The following TRAPPC10 variants were observed in gnomAD, a reference collection of about 807,000 sequenced individuals.
The protein encoded by TRAPPC10 is trafficking protein particle complex subunit 10, also known as TRAPP 130 kDa subunit.
In TRAPPC10, 23 loss-of-function variants were observed where a neutral mutation model predicts 125.5. That is an observed-to-expected ratio of 0.18 (90% CI 0.13 to 0.26). The LOEUF (loss-of-function observed/expected upper bound fraction) is 0.26. TRAPPC10 is among the 10% of genes least tolerant of loss of function. The pLI is 1.00. For synonymous variants in TRAPPC10, 509 were observed against 518.0 expected, an observed-to-expected ratio of 0.98 and a Z score of 0.24; for missense variants, 1,123 against 1,308.4, an observed-to-expected ratio of 0.86 and a Z score of 2.19.
At chr21:44,085,327 G>A (rs1189165270) in intron 15 of TRAPPC10, among the ~76,000 whole-genome samples, 1 of 152,032 alleles carries the variant, frequency 6.6e-6, no homozygotes, top group Non-Finnish European at 1.5e-5. Flanking sequence ...TGTCACATTA[G>A]GCCAAGAAGC....
intron 20 of TRAPPC10, among the ~76,000 whole-genome samples, chr21:44,096,111 C>T (rs1296763510): frequency 2.3e-5 from 1 of 43,406 alleles, no homozygotes; most frequent in Non-Finnish European, 4.7e-5. Flanking sequence ...TCCCAATTGG[C>T]AGGCGTTTCC....
In TRAPPC10 at chr21:44,094,229, T is replaced by G; in HGVS notation, c.3164T>G (p.Phe1055Cys). Reference protein sequence around the residue: ...PYTYEFKVENFFTLYNVKAEI... With the variant: ...PYTYEFKVENCFTLYNVKAEI... ...ACTTATGAATTTAAAGTGGAAAATT[T>G]TTTTGTAAGTGATGTATTATTTTGG... is the stretch of plus-strand genomic sequence containing the variant. The change falls in exon 20 of 23, where the codon TTT becomes TGT. Residue 1055 changes from phenylalanine (F) to cysteine (C), a missense_variant. Around this residue, in one of 4 missense-constraint regions of TRAPPC10, gnomAD observed 840 missense variants for 902.0 expected, o/e 0.93. Coordinates refer to ENST00000291574, the MANE Select transcript of TRAPPC10 (RefSeq NM_003274.5). 1 of 1,604,380 alleles carries G rather than the reference T, an allele frequency of 6.2e-7. No homozygotes were observed. Among genetic ancestry groups the G allele is most frequent in the Non-Finnish European group, 8.5e-7 (1 of 1,177,614 alleles).
chr21:44,041,522 A>G (rs1601626055), intron 3 of TRAPPC10, among the ~76,000 whole-genome samples: 1 of 151,648 alleles, frequency 6.6e-6, no homozygotes, highest in South Asian at 2.1e-4. Context: ...GATTACAGGC[A>G]TGCGCCACCA....
intron 3 of TRAPPC10, chr21:44,046,403 T>C: frequency 3.6e-6 from 1 of 280,264 alleles, no homozygotes. Context: ...GTGTGTGCAG[T>C]GACACCACCA....
intron 20 of TRAPPC10, among the ~76,000 whole-genome samples, chr21:44,095,025 A>G (rs922582846): frequency 5.4e-5 from 8 of 148,700 alleles, no homozygotes; most frequent in African/African-American, 1.7e-4. Flanking sequence ...ATAATAGTAT[A>G]TATTATAATA....
chr21:44,093,319 G>A (rs1279839053), intron 19 of TRAPPC10, among the ~76,000 whole-genome samples: 1 of 151,950 alleles, frequency 6.6e-6, no homozygotes, highest in African/African-American at 2.4e-5. Context: ...GTCAGGCATG[G>A]TGGCACACAC....
At chr21:44,084,293 C>T (rs780609357) in intron 15 of TRAPPC10, 30 bp downstream of exon 15, 34 of 1,606,640 alleles carry the variant, frequency 2.1e-5, no homozygotes, top group Non-Finnish European at 2.9e-5. Context: ...TTTGAGGAGG[C>T]GTGCTGCTGG....
intron 3 of TRAPPC10, 125 bp downstream of exon 3, chr21:44,038,052 T>A: frequency 1.5e-6 from 2 of 1,341,752 alleles, no homozygotes; most frequent in Non-Finnish European, 2.0e-6. Context: ...GCGTGGAGAG[T>A]GCTGTGTGAG....
chr21:44,048,088 C>A (rs2034982147), intron 3 of TRAPPC10, among the ~76,000 whole-genome samples: 1 of 152,196 alleles, frequency 6.6e-6, no homozygotes, highest in African/African-American at 2.4e-5. Context: ...GTGTGACTGC[C>A]AAGCATGGGT....
At chr21:44,071,038 A>G (rs1349599631) in intron 7 of TRAPPC10, among the ~76,000 whole-genome samples, 3 of 152,252 alleles carry the variant, frequency 2.0e-5, no homozygotes, top group Non-Finnish European at 1.5e-5. Context: ...GAAAGGTTTA[A>G]TAAGCAGCAG....
At chr21:44,055,219 C>T (rs1034279888) in intron 4 of TRAPPC10, among the ~76,000 whole-genome samples, 4 of 152,078 alleles carry the variant, frequency 2.6e-5, no homozygotes, top group Non-Finnish European at 4.4e-5. Context: ...ACTTACTGCT[C>T]GTGTTCATGA....
intron 3 of TRAPPC10, chr21:44,046,962 A>G (rs1239114155): frequency 7.2e-6 from 6 of 838,046 alleles, no homozygotes; most frequent in African/African-American, 1.7e-5. Context: ...CCCACTGGGA[A>G]CTGCAAGCCG....
At chr21:44,062,590 C>A (rs1287369011) in intron 6 of TRAPPC10, 1 of 984,730 alleles carries the variant, frequency 1.0e-6, no homozygotes. Context: ...TGGGCTGGTA[C>A]AGGGCTGGGT....
intron 1 of TRAPPC10, among the ~76,000 whole-genome samples, chr21:44,030,570 G>A (rs1003554348): frequency 4.6e-5 from 7 of 151,914 alleles, no homozygotes; most frequent in Non-Finnish European, 5.9e-5. Flanking sequence ...CGGTTCAAGC[G>A]ATTCTCCTGC....
chr21:44,087,058 C>A lies in TRAPPC10; in HGVS notation c.2539+98C>A, dbSNP rs963021961. 1 of 1,394,702 alleles carries A rather than the reference C, an allele frequency of 7.2e-7. No individual in the cohort carries two copies. Among genetic ancestry groups the A allele is most frequent in the South Asian group, 1.3e-5 (1 of 77,020 alleles). 86.4% of individuals were successfully genotyped at this position (1,394,702 alleles called of 1,614,324 possible). ...CTGGCCTTGCTGCCATCCTGCTGAG[C>A]GCCCCTCAACAGTGTCTGGAGTCCG... On this transcript the variant is annotated intron_variant, in intron 16 of 22. Coordinates refer to ENST00000291574, the MANE Select transcript of TRAPPC10 (RefSeq NM_003274.5). This position sits in a 1 kb window ranked among gnomAD's most constrained non-coding sequence, Gnocchi z 4.6.
chr21:44,081,367 C>G (rs1253383241), intron 13 of TRAPPC10, among the ~76,000 whole-genome samples: 1 of 152,018 alleles, frequency 6.6e-6, no homozygotes, highest in Non-Finnish European at 1.5e-5. Flanking sequence ...CCATATTGCC[C>G]AGGCTGGTCT....
Position 44,087,956 on chromosome 21 carries a change from C to A in TRAPPC10, c.2769+28C>A. 6.4e-7 allele frequency: 1 copy of A among 1,574,550 alleles called. No homozygotes were observed. Among genetic ancestry groups the A allele is most frequent in the Non-Finnish European group, 8.7e-7 (1 of 1,154,604 alleles). ...GAGTAGGGACAGTGGAGGAGCTTAG[C>A]TTGTGGGGCGTCCGCCGCCCGCCTG... On this transcript the variant is annotated intron_variant, in intron 17 of 22. Coordinates refer to ENST00000291574, the MANE Select transcript of TRAPPC10 (RefSeq NM_003274.5). The surrounding 1 kb of genome is among the most constrained non-coding windows in gnomAD (Gnocchi z 4.6).
chr21:44,052,402 C>A lies in TRAPPC10; in HGVS notation c.408C>A (p.Asn136Lys), dbSNP rs1426995860. Residue 136 changes from asparagine to lysine, a missense_variant, in exon 4 of 23, where the codon AAC becomes AAA. Around this residue, in one of 4 missense-constraint regions of TRAPPC10, gnomAD observed 177 missense variants for 228.9 expected, o/e 0.77. Coordinates refer to ENST00000291574, the MANE Select transcript of TRAPPC10 (RefSeq NM_003274.5). ...VIVENDAKKKNKTNILPRTSI... is the reference protein window; with the variant it reads ...VIVENDAKKKKKTNILPRTSI... ...TTGAAAATGATGCCAAGAAAAAAAACAAAACCAACATCCTTCCCCGAACCT... is the reference window on the plus strand; with the variant it reads ...TTGAAAATGATGCCAAGAAAAAAAAAAAAACCAACATCCTTCCCCGAACCT... 12 of 1,613,636 alleles carry A rather than the reference C, an allele frequency of 7.4e-6. No homozygotes were observed. Among genetic ancestry groups the A allele is most frequent in the Non-Finnish European group, 1.0e-5 (12 of 1,179,942 alleles).
chr21:44,094,189 T>C lies in TRAPPC10; in HGVS notation c.3124T>C (p.Ser1042Pro). 1 of 1,614,188 alleles carries C rather than the reference T, an allele frequency of 6.2e-7. No individual in the cohort carries two copies. The highest frequency in any genetic ancestry group is 8.5e-7 in the Non-Finnish European group (1 of 1,180,038). The change falls in exon 20 of 23, where the codon TCC becomes CCC. Residue 1042 changes from serine to proline, a missense_variant. Around this residue, in one of 4 missense-constraint regions of TRAPPC10, gnomAD observed 840 missense variants for 902.0 expected, o/e 0.93. Coordinates refer to ENST00000291574, the MANE Select transcript of TRAPPC10 (RefSeq NM_003274.5). ...AGCTTCTGAGGAACAGCTGTCTATC[T>C]CCTTAAAGCCGTATACTTATGAATT... ...SPASEEQLSI[S>P]LKPYTYEFKV...
Sources: gnomAD v4.1 joint callset for allele counts (sites outside exome capture counted in the v4.1 genomes callset) on GRCh38, gnomAD v4.1.1 for gene constraint, gnomAD v4.1.1 regional missense constraint, Gnocchi (gnomAD v3.1) non-coding constraint, MANE v1.5 for transcripts, NCBI Gene and HGNC (gene_info 2026-07-23, HGNC 2026-07-21) for gene names.